The following NTM variants were observed in gnomAD, a reference collection of about 807,000 sequenced individuals.
NTM encodes the protein neurotrimin.
NTM carries 13 observed loss-of-function variants against 42.1 expected under a neutral mutation model. The observed-to-expected ratio is 0.31, with a 90% CI of 0.20 to 0.49. The LOEUF is 0.49. Among genes scored for constraint, NTM ranks in the 20% least tolerant of loss-of-function variants. The pLI, the probability that NTM is intolerant of heterozygous loss-of-function variation, is 0.99. For synonymous variants in NTM, 187 were observed against 179.2 expected (o/e 1.04, Z -0.35); for missense variants, 373 against 452.8 (o/e 0.82, Z 1.60).
chr11:132,335,114 C>T lies in NTM; in HGVS notation c.1036C>T (p.Leu346Phe), dbSNP rs138401779. ...RRAGCVWLLP[L>F]LVLHLLLKF ...GGCAGGCTGCGTCTGGCTGCTGCCT[C>T]TTCTGGTCTTGCACCTGCTTCTCAA... is the stretch of plus-strand genomic sequence containing the variant. The change falls in exon 9 of 9, where the codon CTT becomes TTT. Residue 346 changes from leucine to phenylalanine, a missense_variant. Coordinates refer to ENST00000683400, the MANE Select transcript of NTM (RefSeq NM_001352005.2). The T allele has an allele frequency of 0.017, 27,467 of 1,612,736 alleles. 281 individuals are homozygous for T. The highest frequency in any genetic ancestry group is 0.019 in the Non-Finnish European group (22,869 of 1,179,976).
chr11:131,385,580 C>G (rs1196858345), intron 1 of NTM, among the ~76,000 whole-genome samples: 1 of 152,140 alleles, frequency 6.6e-6, no homozygotes, highest in African/African-American at 2.4e-5. Context: ...AGGCTGGGCT[C>G]AGTGGTTCCT....
intron 1 of NTM, among the ~76,000 whole-genome samples, chr11:131,823,671 A>G (rs2093282006): frequency 6.6e-6 from 1 of 152,242 alleles, no homozygotes; most frequent in South Asian, 2.1e-4. Context: ...TGCTTAATTG[A>G]AAGAGTATTT....
rs553990643 is a variant in NTM at position 131,688,170 on chromosome 11, A to G, written c.83-223394A>G. 5.4e-3 allele frequency among the ~76,000 whole-genome samples: 823 copies of G among 152,176 alleles called. 7 individuals carry two copies. The highest frequency in any genetic ancestry group is 0.019 in the African/African-American group (795 of 41,540). On this transcript the variant is annotated intron_variant, in intron 1 of 8. Coordinates refer to ENST00000683400, the MANE Select transcript of NTM (RefSeq NM_001352005.2). ...TGCAGCTCCCCAGAACGGCCACCGG[A>G]GGGCACCCGCGCCCCCCGAGCCGCG...
chr11:131,866,092 T>C lies in NTM; in HGVS notation c.83-45472T>C, dbSNP rs548086835. Among the ~76,000 whole-genome samples, 109 of 144,706 alleles carry C rather than the reference T, an allele frequency of 7.5e-4. 1 individual carries two copies. Among genetic ancestry groups the C allele is most frequent in the African/African-American group, 2.6e-3 (103 of 39,452 alleles). The allele number at this position is 144,706 out of a possible 152,430, so 94.9% of individuals were successfully genotyped here. A position where few individuals can be genotyped will look rare whatever the true frequency, so the allele number is the denominator to read the frequency against. ...CCCACACACTCTCACACATGCTACA[T>C]GCACACACACACACATGCTGCACAC... On this transcript the variant is annotated intron_variant, in intron 1 of 8. Coordinates refer to ENST00000683400, the MANE Select transcript of NTM (RefSeq NM_001352005.2).
At chr11:131,710,353 T>C (rs1275163166) in intron 1 of NTM, among the ~76,000 whole-genome samples, 1 of 152,140 alleles carries the variant, frequency 6.6e-6, no homozygotes, top group African/African-American at 2.4e-5. Flanking sequence ...ACCAAGAATA[T>C]TTAAGGTGAT....
intron 2 of NTM, among the ~76,000 whole-genome samples, chr11:132,045,320 G>A (rs1178141626): frequency 6.6e-6 from 1 of 152,184 alleles, no homozygotes; most frequent in African/African-American, 2.4e-5. Context: ...GTGAAATGGA[G>A]AAGGAAGAGG....
chr11:131,821,936 A>G (rs1229826176), intron 1 of NTM, among the ~76,000 whole-genome samples: 4 of 152,214 alleles, frequency 2.6e-5, no homozygotes, highest in Non-Finnish European at 5.9e-5. Context: ...TCAAATGTAT[A>G]TATGACACTT....
rs141717150 is a variant in NTM, at chr11:132,083,112, C to A, written c.168-63170C>A. 5.8e-3 allele frequency among the ~76,000 whole-genome samples: 884 copies of A among 152,280 alleles called. 7 individuals are homozygous for A. Among genetic ancestry groups the A allele is most frequent in the African/African-American group, 0.02 (850 of 41,554 alleles). ...ATTGCCCAGAACTGGAATATTGATTCAGATTTTTATATTACCCATCCCTTT... is the reference window on the plus strand; with the variant it reads ...ATTGCCCAGAACTGGAATATTGATTAAGATTTTTATATTACCCATCCCTTT... On this transcript the variant is annotated intron_variant, in intron 2 of 8. Coordinates refer to ENST00000683400, the MANE Select transcript of NTM (RefSeq NM_001352005.2).
At chr11:131,581,459 C>T (rs943387976) in intron 1 of NTM, among the ~76,000 whole-genome samples, 1 of 152,034 alleles carries the variant, frequency 6.6e-6, no homozygotes, top group Non-Finnish European at 1.5e-5. Context: ...ATTTTAGGAT[C>T]GGTAAAATAA....
At chr11:132,089,220 G>A (rs1050353679) in intron 2 of NTM, among the ~76,000 whole-genome samples, 1 of 152,182 alleles carries the variant, frequency 6.6e-6, no homozygotes, top group Admixed American at 6.5e-5. Context: ...CATGAGCCTT[G>A]CTCTTGACTG....
In NTM at chr11:131,508,117, A is replaced by C. The variant is rs947319627; in HGVS notation, c.82+137229A>C. Among the ~76,000 whole-genome samples, 8 of 146,626 alleles carry C rather than the reference A, an allele frequency of 5.5e-5. No individual in the cohort carries two copies. In the East Asian group the frequency reaches 7.9e-4, roughly 14 times the overall value. On this transcript the variant is annotated intron_variant, in intron 1 of 8. Transcript: ENST00000683400. ...ACAGGCAACCTACAAAATGGGAGAAAATTTTCGCAACCTACTCATCTGACA... is the reference window on the plus strand; with the variant it reads ...ACAGGCAACCTACAAAATGGGAGAACATTTTCGCAACCTACTCATCTGACA...
chr11:131,683,833 T>C (rs2073394478), intron 1 of NTM, among the ~76,000 whole-genome samples: 1 of 152,152 alleles, frequency 6.6e-6, no homozygotes, highest in Non-Finnish European at 1.5e-5. Context: ...TTGGAGCTGA[T>C]GGCGTCCTAG....
chr11:131,858,605 C>T (rs1325989547), intron 1 of NTM, among the ~76,000 whole-genome samples: 1 of 152,124 alleles, frequency 6.6e-6, no homozygotes, highest in Admixed American at 6.5e-5. Flanking sequence ...TGAGAAGAGC[C>T]CTGCAAATGA....
intron 1 of NTM, among the ~76,000 whole-genome samples, chr11:131,398,741 T>G (rs1944822588): frequency 6.6e-6 from 1 of 152,162 alleles, no homozygotes; most frequent in Non-Finnish European, 1.5e-5. Flanking sequence ...TACTCTTACT[T>G]TACTCAGGGG....
At chr11:131,631,749 G>A (rs536445758) in intron 1 of NTM, among the ~76,000 whole-genome samples, 16 of 152,170 alleles carry the variant, frequency 1.1e-4, no homozygotes, top group Middle Eastern at 3.4e-3. Flanking sequence ...TGTGATTGGC[G>A]CATGCATTCT....
intron 1 of NTM, among the ~76,000 whole-genome samples, chr11:131,654,651 C>T (rs1223168237): frequency 6.6e-6 from 1 of 151,982 alleles, no homozygotes; most frequent in African/African-American, 2.4e-5. Context: ...TTGATGGGGT[C>T]CTGGCAGTAA....
chr11:131,766,430 C>T (rs1204247120), intron 1 of NTM, among the ~76,000 whole-genome samples: 2 of 152,154 alleles, frequency 1.3e-5, no homozygotes, highest in Non-Finnish European at 2.9e-5. Flanking sequence ...GCAGCAAAAT[C>T]AGATGCACCG....
intron 2 of NTM, among the ~76,000 whole-genome samples, chr11:132,106,973 G>T (rs996711749): frequency 2.6e-5 from 4 of 152,024 alleles, no homozygotes; most frequent in African/African-American, 9.7e-5. Flanking sequence ...GAAAGCTTGA[G>T]AAAAAGCTGA....
chr11:131,711,903 G>A (rs868589094), intron 1 of NTM, among the ~76,000 whole-genome samples: 1 of 144,870 alleles, frequency 6.9e-6, no homozygotes, highest in Non-Finnish European at 1.5e-5. Flanking sequence ...AACACCGCAT[G>A]TTCTCACTCA....
Sources: allele counts gnomAD v4.1 joint callset (sites outside exome capture counted in the v4.1 genomes callset), GRCh38; gene constraint gnomAD v4.1.1; transcripts MANE v1.5; gene names NCBI Gene and HGNC (gene_info 2026-07-23, HGNC 2026-07-21).